The following DGCR8 variants were observed in gnomAD, a reference collection of about 807,000 sequenced individuals.
The protein encoded by DGCR8 is DGCR8 microprocessor complex subunit, also known as microprocessor complex subunit DGCR8.
In DGCR8, 14 loss-of-function variants were observed where a neutral mutation model predicts 78.5. The observed-to-expected ratio is 0.18, with a 90% CI of 0.12 to 0.28. DGCR8 has a LOEUF of 0.28. Ranked by LOEUF, DGCR8 falls within the 10% of genes least tolerant of loss-of-function variation. The pLI, the probability that DGCR8 is intolerant of heterozygous loss-of-function variation, is 1.00. For missense variants in DGCR8, 702 were observed against 1,022.5 expected (o/e 0.69, Z 4.28); for synonymous variants, 399 against 402.4 (o/e 0.99, Z 0.10).
At position 20,086,255 on chromosome 22, in the gene DGCR8, A is replaced by G; in HGVS notation, c.292A>G (p.Thr98Ala). The G allele has an allele frequency of 1.2e-6, 2 of 1,613,998 alleles. No homozygotes were observed. Among genetic ancestry groups the G allele is most frequent in the Non-Finnish European group, 8.5e-7 (1 of 1,179,996 alleles). ...GAACTGTAGTGGCCACAGCCCGCGC[A>G]CCGCCCGGCACGCACCTGCGGTCCG... is the stretch of plus-strand genomic sequence containing the variant. ...DPNCSGHSPR[T>A]ARHAPAVRKF... Residue 98 changes from threonine (T) to alanine (A), a missense_variant, in exon 2 of 14, where the codon ACC becomes GCC. Physicochemically the swap from Thr to Ala is moderately conservative, Grantham distance 58. Around this residue, in one of 4 missense-constraint regions of DGCR8, gnomAD observed 356 missense variants for 448.9 expected, o/e 0.79. Transcript: ENST00000351989. This position sits in a 1 kb window ranked among gnomAD's most constrained non-coding sequence, Gnocchi z 6.4.
Position 20,110,826 on chromosome 22 carries a change from A to T in DGCR8, c.*718A>T. On this transcript the variant is annotated 3_prime_UTR_variant, in exon 14 of 14. Coordinates refer to ENST00000351989, the MANE Select transcript of DGCR8 (RefSeq NM_022720.7). ...CCTCCTAGGGTCCCTTTTTCTGATG[A>T]AGTCTTAATTCCCTAAAAGCGCCTC... The T allele has an allele frequency of 5.2e-6, 1 of 191,592 alleles. No homozygotes were observed. 11.9% of individuals were successfully genotyped at this position (191,592 alleles called of 1,614,324 possible).
chr22:20,081,649 A>G (rs9606235), intron 1 of DGCR8, among the ~76,000 whole-genome samples: 20,007 of 152,108 alleles, frequency 0.13, 1,712 homozygotes, highest in Non-Finnish European at 0.19. Flanking sequence ...CAGCCTCCTG[A>G]CTTTAATGCC....
intron 9 of DGCR8, 45 bp downstream of exon 9, chr22:20,094,840 C>T (rs571709798): frequency 2.8e-5 from 44 of 1,551,120 alleles, no homozygotes; most frequent in East Asian, 2.5e-4. Context: ...GTGTGCAGTG[C>T]GGCTACCCTG....
In DGCR8 at chr22:20,110,268, G is replaced by A; in HGVS notation, c.*160G>A. Reference sequence around the variant, plus strand: ...TAGGGTGGAGGCTTTAGTGTACAGGGACAGCCATGGCCACACAGCACACAT... The same window carrying A: ...TAGGGTGGAGGCTTTAGTGTACAGGAACAGCCATGGCCACACAGCACACAT... On this transcript the variant is annotated 3_prime_UTR_variant, in exon 14 of 14. Transcript: ENST00000351989. 1.5e-6 allele frequency: 1 copy of A among 664,410 alleles called. No homozygotes were observed. The highest frequency in any genetic ancestry group is 2.6e-6 in the Non-Finnish European group (1 of 391,578). 41.2% of individuals were successfully genotyped at this position (664,410 alleles called of 1,614,324 possible).
At chr22:20,099,342 C>T (rs1037619377) in intron 9 of DGCR8, among the ~76,000 whole-genome samples, 1 of 152,226 alleles carries the variant, frequency 6.6e-6, no homozygotes, top group Admixed American at 6.5e-5. Flanking sequence ...CAGGGTGAAA[C>T]AGTTGCCACT....
intron 9 of DGCR8, among the ~76,000 whole-genome samples, chr22:20,096,902 T>G (rs1205067430): frequency 2.0e-5 from 3 of 152,254 alleles, no homozygotes; most frequent in Non-Finnish European, 4.4e-5. Context: ...TTTTGTCAAA[T>G]GTTTTTCTGC....
intron 9 of DGCR8, chr22:20,096,345 G>T (rs1602488248): frequency 1.8e-6 from 1 of 556,106 alleles, no homozygotes; most frequent in Non-Finnish European, 2.3e-6. Flanking sequence ...CTCAGGGGTG[G>T]CAGAGGCAGA....
intron 9 of DGCR8, among the ~76,000 whole-genome samples, chr22:20,103,314 C>T (rs372125186): frequency 6.6e-6 from 1 of 151,918 alleles, no homozygotes; most frequent in East Asian, 1.9e-4. Context: ...TTTCATCACA[C>T]AGGCCCTGTG....
rs368705994 is a variant in DGCR8 at position 20,085,996 on chromosome 22, G to A, written c.33G>A (p.Pro11=). Residue 11 remains proline (P), a synonymous_variant, in exon 2 of 14, where the codon CCG becomes CCA. Transcript: ENST00000351989. This position sits in a 1 kb window ranked among gnomAD's most constrained non-coding sequence, Gnocchi z 6.2. ...CAGATGAGAGCCCCTCTCCGCTCCCGTGTGGGCCCGCAGGAGAAGCGGTGA... is the reference window on the plus strand; with the variant it reads ...CAGATGAGAGCCCCTCTCCGCTCCCATGTGGGCCCGCAGGAGAAGCGGTGA... METDESPSPL[P]CGPAGEAVME... 686 of 1,607,724 alleles carry A rather than the reference G, an allele frequency of 4.3e-4. No homozygotes were observed. Among genetic ancestry groups the A allele is most frequent in the Non-Finnish European group, 4.9e-4 (574 of 1,176,332 alleles).
At chr22:20,099,652 G>T (rs1187823483) in intron 9 of DGCR8, among the ~76,000 whole-genome samples, 2 of 152,182 alleles carry the variant, frequency 1.3e-5, no homozygotes, top group Non-Finnish European at 2.9e-5. Flanking sequence ...AGTTTCCAGG[G>T]TTCTGAAAGA....
At chr22:20,097,420 A>AT (rs565931946) in intron 9 of DGCR8, among the ~76,000 whole-genome samples, 151 of 152,022 alleles carry the variant, frequency 9.9e-4, no homozygotes, top group African/African-American at 3.3e-3. Context: ...CTTTTTTGGA[A>AT]TTTTTTTCCC....
Position 20,106,197 on chromosome 22 carries a change from C to G in DGCR8, c.1809C>G (p.Ile603Met). 6.2e-7 allele frequency: 1 copy of G among 1,614,010 alleles called. No homozygotes were observed. Among genetic ancestry groups the G allele is most frequent in the Non-Finnish European group, 8.5e-7 (1 of 1,180,012 alleles). Residue 603 changes from isoleucine to methionine, a missense_variant, in exon 10 of 14, where the codon ATC becomes ATG. Coordinates refer to ENST00000351989, the MANE Select transcript of DGCR8 (RefSeq NM_022720.7). ...TGTAGTATTTTAACCACATCAGCAT[C>G]GAGGACTCGCGGGTCTACGAGCTGA... is the stretch of plus-strand genomic sequence containing the variant. ...EELEYFNHIS[I>M]EDSRVYELTS...
At chr22:20,102,098 T>A in intron 9 of DGCR8, 3 of 977,180 alleles carry the variant, frequency 3.1e-6, no homozygotes, top group Non-Finnish European at 3.6e-6. Flanking sequence ...TTTTTCATCT[T>A]ATTTTAAAAT....
At chr22:20,092,679 A>T (rs2049579802) in intron 7 of DGCR8, 130 bp from the exon 8 acceptor site, 1 of 670,056 alleles carries the variant, frequency 1.5e-6, no homozygotes, top group Non-Finnish European at 2.5e-6. Flanking sequence ...AGGTCTCTGC[A>T]GTCAAGCACA....
At chr22:20,101,668 G>A in intron 9 of DGCR8, 9 of 985,400 alleles carry the variant, frequency 9.1e-6, no homozygotes, top group Non-Finnish European at 1.1e-5. Context: ...GTTGTAGGGT[G>A]GTGGGGGTGT....
At position 20,111,221 on chromosome 22, in the gene DGCR8, G is replaced by C. The variant is rs1055357205; in HGVS notation, c.*1113G>C. On this transcript the variant is annotated 3_prime_UTR_variant, in exon 14 of 14. Coordinates refer to ENST00000351989, the MANE Select transcript of DGCR8 (RefSeq NM_022720.7). ...GTTCCTGCCGGAGTCTGAGGCACCA[G>C]GGTGTGCTCAAAGGCTGGCCCTGGT... is the stretch of plus-strand genomic sequence containing the variant. 2.5e-6 allele frequency: 1 copy of C among 398,792 alleles called. No homozygotes were observed. The highest frequency in any genetic ancestry group is 4.4e-6 in the Non-Finnish European group (1 of 226,084). The allele number at this position is 398,792 out of a possible 1,614,324, so 24.7% of individuals were successfully genotyped here. A position where few individuals can be genotyped will look rare whatever the true frequency, so the allele number is the denominator to read the frequency against.
At chr22:20,098,126 C>CAA (rs202130331) in intron 9 of DGCR8, among the ~76,000 whole-genome samples, 8 of 100,042 alleles carry the variant, frequency 8.0e-5, no homozygotes, top group Non-Finnish European at 1.2e-4. Context: ...ACTCCTGTCT[C>CAA]AAAAAAAAAA....
chr22:20,092,046 C>T (rs1310558365), intron 7 of DGCR8, 76 bp downstream of exon 7: 1 of 1,143,662 alleles, frequency 8.7e-7, no homozygotes, highest in Non-Finnish European at 1.3e-6. Context: ...GAGGCAGGCG[C>T]TGACCGCTAG....
Position 20,086,792 on chromosome 22 carries a change from ACC to A in DGCR8, c.720+110_720+111del. 8 of 1,243,662 alleles carry A rather than the reference ACC, an allele frequency of 6.4e-6. No individual in the cohort carries two copies. Among genetic ancestry groups the A allele is most frequent in the African/African-American group, 1.5e-5 (1 of 66,636 alleles). The allele number at this position is 1,243,662 out of a possible 1,614,324, so 77.0% of individuals were successfully genotyped here. A position where few individuals can be genotyped will look rare whatever the true frequency, so the allele number is the denominator to read the frequency against. On this transcript the variant is annotated intron_variant, in intron 2 of 13. Coordinates refer to ENST00000351989, the MANE Select transcript of DGCR8 (RefSeq NM_022720.7). This position sits in a 1 kb window ranked among gnomAD's most constrained non-coding sequence, Gnocchi z 6.4. The stretch of plus-strand genomic sequence containing the variant: ...GAAATTAAAAAAAAAAAAAACAAAA[ACC>A]AAAATCCCCTCTGAGGTGGAATAAT...
Sources: allele counts gnomAD v4.1 joint callset (sites outside exome capture counted in the v4.1 genomes callset), GRCh38; gene constraint gnomAD v4.1.1; regional missense constraint gnomAD v4.1.1; non-coding constraint Gnocchi (gnomAD v3.1); transcripts MANE v1.5; gene names NCBI Gene and HGNC (gene_info 2026-07-23, HGNC 2026-07-21).